Variants in GUCY1B1 observed in about 807,000 individuals in gnomAD.
GUCY1B1 encodes guanylate cyclase 1 soluble subunit beta 1, also known as guanylate cyclase soluble subunit beta-1.
A neutral mutation model predicts 71.0 loss-of-function variants in GUCY1B1; 43 were observed. The observed-to-expected ratio is 0.61, with a 90% CI of 0.47 to 0.78. The LOEUF (loss-of-function observed/expected upper bound fraction) is 0.78, where lower values mean the gene tolerates loss of function less well. Ranked by LOEUF, GUCY1B1 falls within the 30% of genes least tolerant of loss-of-function variation. The pLI is 0.00. For missense variants in GUCY1B1, 535 were observed against 754.1 expected, an observed-to-expected ratio of 0.71 and a Z score of 3.40; for synonymous variants, 266 against 259.7, an observed-to-expected ratio of 1.02 and a Z score of -0.23.
At chr4:155,775,851 C>T (rs1738008527) in intron 3 of GUCY1B1, among the ~76,000 whole-genome samples, 1 of 152,054 alleles carries the variant, frequency 6.6e-6, no homozygotes, top group East Asian at 1.9e-4. Flanking sequence ...AGAAGTTGTT[C>T]TCAAAGTAGT....
intron 5 of GUCY1B1, among the ~76,000 whole-genome samples, chr4:155,792,498 C>G (rs1579239133): frequency 6.6e-6 from 1 of 151,868 alleles, no homozygotes; most frequent in African/African-American, 2.4e-5. Flanking sequence ...AATATTTAAC[C>G]AGTATAGTAA....
At chr4:155,789,570 T>A (rs1052374592) in intron 4 of GUCY1B1, 144 bp from the exon 5 acceptor site, 2 of 508,248 alleles carry the variant, frequency 3.9e-6, no homozygotes, top group African/African-American at 1.9e-5. Context: ...GATATCTCAG[T>A]GGAGTGAAGG....
chr4:155,777,759 C>T (rs541803117), intron 4 of GUCY1B1, 117 bp downstream of exon 4: 16 of 561,824 alleles, frequency 2.8e-5, no homozygotes, highest in South Asian at 5.6e-5. Context: ...GAAATGGAAT[C>T]GTAGTCACCT....
At position 155,796,505 on chromosome 4, in the gene GUCY1B1, A is replaced by C. The variant is rs1490974433; in HGVS notation, c.972A>C (p.Ser324=). 1 of 1,607,772 alleles carries C rather than the reference A, an allele frequency of 6.2e-7. No homozygotes were observed. Among genetic ancestry groups the C allele is most frequent in the Non-Finnish European group, 8.5e-7 (1 of 1,175,278 alleles). The stretch of plus-strand genomic sequence containing the variant: ...CAGATAGCATACTTTTTCTATGTTC[A>C]CCAAGGTAATCATTTTTAGATTAAT... ...PEADSILFLC[S]PSVMNLDDLT... is the part of the protein sequence containing the mutation. Residue 324 remains serine, a synonymous_variant, in exon 8 of 14, where the codon TCA becomes TCC. Coordinates refer to ENST00000264424, the MANE Select transcript of GUCY1B1 (RefSeq NM_000857.5).
intron 4 of GUCY1B1, among the ~76,000 whole-genome samples, chr4:155,784,300 G>T (rs1350031005): frequency 6.6e-6 from 1 of 152,074 alleles, no homozygotes; most frequent in Non-Finnish European, 1.5e-5. Context: ...GCTCCAGGAA[G>T]AAAAGGCAGG....
At chr4:155,759,509 C>T in intron 1 of GUCY1B1, 1 of 511,084 alleles carries the variant, frequency 2.0e-6, no homozygotes, top group Non-Finnish European at 3.4e-6. Flanking sequence ...CCGCGCTGCC[C>T]CCGATGCCCA....
intron 5 of GUCY1B1, among the ~76,000 whole-genome samples, chr4:155,793,586 T>G (rs1005498695): frequency 1.3e-5 from 2 of 152,192 alleles, no homozygotes; most frequent in African/African-American, 4.8e-5. Context: ...AAGTGCTTTT[T>G]TTTTCTAATT....
At position 155,807,279 on chromosome 4, in the gene GUCY1B1, T is replaced by TCTTGGC. The variant is rs1740379724; in HGVS notation, c.*875_*880dup. ...GCTGGGATACTGCTGTTAGAGCCCT[T>TCTTGGC]CTTGGCCTTGTATTCCCAGAAATGA... On this transcript the variant is annotated 3_prime_UTR_variant, in exon 14 of 14. Coordinates refer to ENST00000264424, the MANE Select transcript of GUCY1B1 (RefSeq NM_000857.5). The TCTTGGC allele has an allele frequency of 6.6e-6, 1 of 152,164 alleles. No individual in the cohort carries two copies. The highest frequency in any genetic ancestry group is 2.4e-5 in the African/African-American group (1 of 41,462). 9.4% of individuals were successfully genotyped at this position (152,164 alleles called of 1,614,324 possible). A position where few individuals can be genotyped will look rare whatever the true frequency, so the allele number is the denominator to read the frequency against.
intron 2 of GUCY1B1, among the ~76,000 whole-genome samples, chr4:155,768,456 GTTTT>G (rs35462860): frequency 5.8e-4 from 74 of 128,590 alleles, no homozygotes; most frequent in Middle Eastern, 8.1e-3. Flanking sequence ...TTACTTGTTT[GTTTT>G]TTTTTTTTTT....
intron 3 of GUCY1B1, among the ~76,000 whole-genome samples, chr4:155,777,255 G>A (rs1738113598): frequency 6.6e-6 from 1 of 152,120 alleles, no homozygotes; most frequent in African/African-American, 2.4e-5. Flanking sequence ...TTTCAGATTA[G>A]GTATGCTCCA....
chr4:155,805,627 G>T (rs1579266539), intron 13 of GUCY1B1, among the ~76,000 whole-genome samples: 1 of 152,186 alleles, frequency 6.6e-6, no homozygotes, highest in East Asian at 1.9e-4. Flanking sequence ...GTTCATGGGA[G>T]GTTTCTTAAC....
chr4:155,760,298 G>C (rs1027986821), intron 2 of GUCY1B1, among the ~76,000 whole-genome samples: 1 of 152,216 alleles, frequency 6.6e-6, no homozygotes, highest in African/African-American at 2.4e-5. Flanking sequence ...GCGTAAGTTA[G>C]GCCTTTTTGG....
chr4:155,772,490 C>G (rs1737760848), intron 2 of GUCY1B1: 1 of 461,374 alleles, frequency 2.2e-6, no homozygotes, highest in Admixed American at 3.4e-5. Context: ...TCACGCCTCA[C>G]TGAGGCCTCA....
In GUCY1B1 at chr4:155,764,594, G is replaced by A. The variant is rs572542258; in HGVS notation, c.77+4734G>A. On this transcript the variant is annotated intron_variant, in intron 2 of 13. Transcript: ENST00000264424. ...ATTTTCTTACCCAGAAACTTCCTCA[G>A]TACAAATAAACACATTAATATACAG... Among the ~76,000 whole-genome samples, 5 of 152,192 alleles carry A rather than the reference G, an allele frequency of 3.3e-5. No homozygotes were observed. In the South Asian group the frequency reaches 1.0e-3, roughly 32 times the overall value.
chr4:155,766,386 G>A (rs1737335526), intron 2 of GUCY1B1, among the ~76,000 whole-genome samples: 1 of 152,104 alleles, frequency 6.6e-6, no homozygotes, highest in Admixed American at 6.6e-5. Flanking sequence ...AATAATCACT[G>A]TAATCAAGCC....
At chr4:155,768,934 A>G (rs1737524430) in intron 2 of GUCY1B1, among the ~76,000 whole-genome samples, 1 of 152,174 alleles carries the variant, frequency 6.6e-6, no homozygotes, top group Non-Finnish European at 1.5e-5. Context: ...TGTAAATTCT[A>G]TCAGCAAATC....
rs183113651 is a variant in GUCY1B1, at chr4:155,802,121, C to T, written c.1176-221C>T. On this transcript the variant is annotated intron_variant, in intron 9 of 13. Transcript: ENST00000264424. The surrounding 1 kb of genome is among the most constrained non-coding windows in gnomAD (Gnocchi z 4.3). ...TTTGGTTTGAACTAGTTTGGGCTTG[C>T]GGATGTCTTATGTGATTAGGATGAA... 465 of 1,023,302 alleles carry T rather than the reference C, an allele frequency of 4.5e-4. 1 individual carries two copies. The African/African-American group carries it at 6.7e-3, about 15-fold the overall frequency. 63.4% of individuals were successfully genotyped at this position (1,023,302 alleles called of 1,614,324 possible).
intron 4 of GUCY1B1, among the ~76,000 whole-genome samples, chr4:155,781,364 A>C (rs1324214132): frequency 1.3e-5 from 2 of 152,170 alleles, no homozygotes; most frequent in African/African-American, 4.8e-5. Flanking sequence ...GGAGGTTATC[A>C]TTTCCATTCA....
chr4:155,760,331 T>G (rs1214011717), intron 2 of GUCY1B1, among the ~76,000 whole-genome samples: 2 of 152,188 alleles, frequency 1.3e-5, no homozygotes, highest in African/African-American at 2.4e-5. Context: ...CGCGGGAGAT[T>G]ATTTCTTGAG....
Sources: gnomAD v4.1 joint callset for allele counts (sites outside exome capture counted in the v4.1 genomes callset) on GRCh38, gnomAD v4.1.1 for gene constraint, Gnocchi (gnomAD v3.1) non-coding constraint, MANE v1.5 for transcripts, NCBI Gene and HGNC (gene_info 2026-07-23, HGNC 2026-07-21) for gene names.